ZFHX3: variants seen among roughly 807,000 people sequenced by gnomAD.
The protein encoded by ZFHX3 is zinc finger homeobox 3, also known as zinc finger homeobox protein 3.
Under a neutral mutation model 279.1 loss-of-function variants are expected in ZFHX3, and 42 were observed. That is an observed-to-expected ratio of 0.15 (90% CI 0.12 to 0.19). The LOEUF (loss-of-function observed/expected upper bound fraction) is 0.19. Ranked by LOEUF, ZFHX3 falls within the 10% of genes least tolerant of loss-of-function variation. The pLI is 1.00. For synonymous variants in ZFHX3, 2,293 were observed against 1,957.8 expected (o/e 1.17, Z -4.52); for missense variants, 4,981 against 4,754.0 (o/e 1.05, Z -1.40).
At chr16:73,366,479 C>T (rs1261253096) in intron 3 of ZFHX3, among the ~76,000 whole-genome samples, 1 of 151,792 alleles carries the variant, frequency 6.6e-6, no homozygotes, top group African/African-American at 2.4e-5. Flanking sequence ...CACTGATAGT[C>T]CCAGTAGTTT....
chr16:73,328,872 C>T (rs2015744576), intron 3 of ZFHX3, among the ~76,000 whole-genome samples: 1 of 152,228 alleles, frequency 6.6e-6, no homozygotes, highest in African/African-American at 2.4e-5. Context: ...TCTTTCTGAT[C>T]TGTGCAAAAC....
chr16:73,840,403 G>T (rs924982164), intron 1 of ZFHX3, among the ~76,000 whole-genome samples: 2 of 152,202 alleles, frequency 1.3e-5, no homozygotes, highest in South Asian at 2.1e-4. Flanking sequence ...AAAGTTCCAT[G>T]ACTACTTTAC....
At chr16:73,068,107 AC>A (rs1965778370) in intron 8 of ZFHX3, among the ~76,000 whole-genome samples, 1 of 152,136 alleles carries the variant, frequency 6.6e-6, no homozygotes, top group African/African-American at 2.4e-5. Context: ...TCTCCCAGCA[AC>A]CCTGGGAAAC....
intron 5 of ZFHX3, among the ~76,000 whole-genome samples, chr16:73,199,790 T>C (rs1461003375): frequency 6.6e-6 from 1 of 152,164 alleles, no homozygotes; most frequent in African/African-American, 2.4e-5. Flanking sequence ...AGTGAGAGGG[T>C]GAACGAGGCC....
intron 2 of ZFHX3, among the ~76,000 whole-genome samples, chr16:73,678,540 A>G (rs2052977400): frequency 6.6e-6 from 1 of 152,198 alleles, no homozygotes; most frequent in South Asian, 2.1e-4. Flanking sequence ...TATAAAGGTC[A>G]AGTCTTCTAA....
At chr16:72,839,715 T>A (rs1379298629) in intron 4 of ZFHX3, among the ~76,000 whole-genome samples, 1 of 152,040 alleles carries the variant, frequency 6.6e-6, no homozygotes, top group East Asian at 1.9e-4. Flanking sequence ...ATTTTGTGGA[T>A]TCAGAGGCAT....
In ZFHX3 at chr16:73,511,347, C is replaced by T. The variant is rs543813494; in HGVS notation, c.-1546-55089G>A. On this transcript the variant is annotated intron_variant, in intron 2 of 17. Transcript: ENST00000641206. ...CTGAGATCACTTCCCCTATCAGTCC[C>T]CTGCTCTGTTTCTAGGGAAATCTAG... Among the ~76,000 whole-genome samples the T allele has an allele frequency of 1.2e-4, 18 of 152,274 alleles. 1 individual carries two copies. In the South Asian group the frequency reaches 3.7e-3, roughly 32 times the overall value.
chr16:73,702,879 T>G (rs1196037777), intron 1 of ZFHX3, among the ~76,000 whole-genome samples: 1 of 152,144 alleles, frequency 6.6e-6, no homozygotes, highest in Admixed American at 6.5e-5. Flanking sequence ...CCCTTTCACC[T>G]TGTTTCCACC....
At chr16:73,732,223 T>A (rs2142250307) in intron 1 of ZFHX3, among the ~76,000 whole-genome samples, 1 of 152,260 alleles carries the variant, frequency 6.6e-6, no homozygotes, top group African/African-American at 2.4e-5. Context: ...GACTCCGAAT[T>A]TCAACACTTA....
intron 1 of ZFHX3, among the ~76,000 whole-genome samples, chr16:73,740,993 C>T (rs538676269): frequency 1.3e-5 from 2 of 149,570 alleles, no homozygotes; most frequent in South Asian, 4.3e-4. Context: ...AAGAGGTTTA[C>T]ACTGTACTGG....
intron 8 of ZFHX3, among the ~76,000 whole-genome samples, chr16:73,091,844 T>C (rs959472795): frequency 4.6e-5 from 7 of 152,182 alleles, no homozygotes; most frequent in African/African-American, 7.2e-5. Context: ...GACGCTAGAA[T>C]GTGATGACAT....
intron 2 of ZFHX3, among the ~76,000 whole-genome samples, chr16:73,675,285 G>T (rs2052943378): frequency 6.6e-6 from 1 of 152,058 alleles, no homozygotes; most frequent in African/African-American, 2.4e-5. Context: ...CCTCTAAGCA[G>T]TATCTTAGCC....
chr16:73,084,289 G>A lies in ZFHX3; in HGVS notation c.-533+8946C>T, dbSNP rs141235078. On this transcript the variant is annotated intron_variant, in intron 8 of 17. Coordinates refer to the ZFHX3 transcript ENST00000641206. Reference sequence around the variant, plus strand: ...AATAAAGTGCATCCAAACTGGAAAGGAAGAAGTCAAATTATTACTGTTTGT... The same window carrying A: ...AATAAAGTGCATCCAAACTGGAAAGAAAGAAGTCAAATTATTACTGTTTGT... Among the ~76,000 whole-genome samples the A allele has an allele frequency of 3.9e-5, 6 of 152,210 alleles. No individual in the cohort carries two copies. The East Asian group carries it at 1.2e-3, about 29-fold the overall frequency.
At position 73,021,206 on chromosome 16, in the gene ZFHX3, G is replaced by C. The variant is rs145397251; in HGVS notation, c.-50+26546C>G. Reference sequence around the variant, plus strand: ...TAAAAGGAAAGACTGAAGGGGTTTAGAGCAGCGAGGAAAGACAATCGAGGA... The same window carrying C: ...TAAAAGGAAAGACTGAAGGGGTTTACAGCAGCGAGGAAAGACAATCGAGGA... On this transcript the variant is annotated intron_variant, in intron 1 of 9. Transcript: ENST00000268489. Among the ~76,000 whole-genome samples, 3 of 152,314 alleles carry C rather than the reference G, an allele frequency of 2.0e-5. No homozygotes were observed. In the East Asian group the frequency reaches 5.8e-4, roughly 29 times the overall value.
chr16:72,906,051 C>T (rs1001832473), intron 3 of ZFHX3, among the ~76,000 whole-genome samples: 2 of 151,980 alleles, frequency 1.3e-5, no homozygotes, highest in African/African-American at 4.8e-5. Flanking sequence ...TTCCTTCCCT[C>T]TCCAGCTACG....
At chr16:73,594,839 G>T (rs532426025) in intron 2 of ZFHX3, among the ~76,000 whole-genome samples, 26 of 152,298 alleles carry the variant, frequency 1.7e-4, no homozygotes, top group African/African-American at 5.5e-4. Flanking sequence ...TCCAAGATAA[G>T]GTTTTCATGT....
At chr16:73,749,631 C>A (rs899931903) in intron 1 of ZFHX3, among the ~76,000 whole-genome samples, 5 of 152,170 alleles carry the variant, frequency 3.3e-5, no homozygotes, top group African/African-American at 1.2e-4. Context: ...GGTAACCCTT[C>A]CTAACACTAT....
At chr16:73,362,382 G>A (rs924461209) in intron 3 of ZFHX3, among the ~76,000 whole-genome samples, 1 of 152,208 alleles carries the variant, frequency 6.6e-6, no homozygotes, top group Non-Finnish European at 1.5e-5. Context: ...GGATGGCCCA[G>A]GAACAGAGTC....
intron 1 of ZFHX3, among the ~76,000 whole-genome samples, chr16:73,755,990 T>A (rs2053805163): frequency 1.3e-5 from 2 of 152,104 alleles, no homozygotes; most frequent in Admixed American, 1.3e-4. Context: ...CTGACCACTC[T>A]CCACCGCTTA....
Sources: allele counts gnomAD v4.1 joint callset (sites outside exome capture counted in the v4.1 genomes callset), GRCh38; gene constraint gnomAD v4.1.1; transcripts MANE v1.5; gene names NCBI Gene and HGNC (gene_info 2026-07-23, HGNC 2026-07-21).